Variants in TCF3 observed in about 807,000 individuals in gnomAD.
TCF3 encodes the protein transcription factor E2-alpha.
A neutral mutation model predicts 72.3 loss-of-function variants in TCF3; 54 were observed. The observed-to-expected ratio is 0.75, with a 90% CI of 0.60 to 0.94. The LOEUF (loss-of-function observed/expected upper bound fraction) is 0.94, where lower values mean the gene tolerates loss of function less well. Ranked by LOEUF, TCF3 falls within the 40% of genes least tolerant of loss-of-function variation. The pLI is 0.00. For synonymous variants in TCF3, 525 were observed against 412.6 expected (o/e 1.27, Z -3.30); for missense variants, 1,078 against 934.4 (o/e 1.15, Z -2.00).
At chr19:1,647,886 T>C (rs2066367470) in intron 2 of TCF3, among the ~76,000 whole-genome samples, 1 of 152,152 alleles carries the variant, frequency 6.6e-6, no homozygotes, top group Non-Finnish European at 1.5e-5. Flanking sequence ...GGGCTCTGGC[T>C]GTGTGGGACG....
Position 1,619,435 on chromosome 19 carries a change from C to A in TCF3, c.1207G>T (p.Val403Leu). Reference protein sequence around the residue: ...IEDHLDEAIHVLRSHAVGTAG... With the variant: ...IEDHLDEAIHLLRSHAVGTAG... ...GTGCCCACGGCGTGGCTGCGGAGCA[C>A]GTGGATGGCCTCGTCCAGGTGGTCT... Residue 403 changes from valine (V) to leucine (L), a missense_variant, in exon 15 of 19, where the codon GTG becomes TTG. By Grantham distance (32) the Val-to-Leu change is conservative (BLOSUM62 1). Coordinates refer to ENST00000262965, the MANE Select transcript of TCF3 (RefSeq NM_003200.5). 1 of 1,588,580 alleles carries A rather than the reference C, an allele frequency of 6.3e-7. No individual in the cohort carries two copies. The highest frequency in any genetic ancestry group is 8.5e-7 in the Non-Finnish European group (1 of 1,173,674).
chr19:1,647,034 G>T (rs892794155), intron 2 of TCF3, among the ~76,000 whole-genome samples: 2 of 152,202 alleles, frequency 1.3e-5, no homozygotes, highest in African/African-American at 4.8e-5. Flanking sequence ...GCTCAGACAG[G>T]CAGCAGGTCG....
In TCF3 at chr19:1,648,660, G is replaced by T. The variant is rs80124474; in HGVS notation, c.72+1517C>A. 3.0e-3 allele frequency among the ~76,000 whole-genome samples: 460 copies of T among 152,360 alleles called. 2 individuals carry two copies. Among genetic ancestry groups the T allele is most frequent in the African/African-American group, 0.011 (440 of 41,588 alleles). On this transcript the variant is annotated intron_variant, in intron 2 of 18. Coordinates refer to ENST00000262965, the MANE Select transcript of TCF3 (RefSeq NM_003200.5). Reference sequence around the variant, plus strand: ...GAGCCTTGGCCCCTCCGGCCCTTGGGCTGTTTTTTTCCGCAGGGTGGCCGG... The same window carrying T: ...GAGCCTTGGCCCCTCCGGCCCTTGGTCTGTTTTTTTCCGCAGGGTGGCCGG...
intron 16 of TCF3, 85 bp downstream of exon 16, chr19:1,619,026 C>T (rs1204958798): frequency 5.1e-6 from 8 of 1,583,414 alleles, no homozygotes; most frequent in African/African-American, 2.7e-5. Context: ...CTGCCCTGGG[C>T]TCCCACCCTG....
At chr19:1,619,040 C>G in intron 16 of TCF3, 71 bp downstream of exon 16, 1 of 1,593,690 alleles carries the variant, frequency 6.3e-7, no homozygotes, top group Non-Finnish European at 8.5e-7. Flanking sequence ...CACCCTGACC[C>G]CCACCACTAG....
rs2067286579 is a variant in TCF3, at chr19:1,652,561, C to CT, written c.-302dup. 6.8e-6 allele frequency: 1 copy of CT among 146,360 alleles called. No individual in the cohort carries two copies. Among genetic ancestry groups the CT allele is most frequent in the Non-Finnish European group, 1.5e-5 (1 of 65,734 alleles). The allele number at this position is 146,360 out of a possible 1,614,324, so 9.1% of individuals were successfully genotyped here. A position where few individuals can be genotyped will look rare whatever the true frequency, so the allele number is the denominator to read the frequency against. On this transcript the variant is annotated 5_prime_UTR_variant, in exon 1 of 19. An upstream open reading frame in the 5' UTR loses its in-frame stop. Transcript: ENST00000262965. Reference sequence around the variant, plus strand: ...CCGCCGCCGCGTCGGCTCCGGCCCGCTACGCCCGCAGCCGCCGCCGCTGCC... The same window carrying CT: ...CCGCCGCCGCGTCGGCTCCGGCCCGCTTACGCCCGCAGCCGCCGCCGCTGCC...
chr19:1,633,357 T>C (rs2063951541), intron 3 of TCF3, among the ~76,000 whole-genome samples: 1 of 151,916 alleles, frequency 6.6e-6, no homozygotes, highest in African/African-American at 2.4e-5. Flanking sequence ...CATGTCCAAC[T>C]CCCAAGTCCA....
chr19:1,634,181 A>C (rs888900091), intron 3 of TCF3, among the ~76,000 whole-genome samples: 12 of 152,234 alleles, frequency 7.9e-5, no homozygotes, highest in Non-Finnish European at 1.8e-4. Context: ...GACAAAAATA[A>C]GGACAGCCCC....
intron 6 of TCF3, 46 bp from the exon 7 acceptor site, chr19:1,625,754 C>T: frequency 1.4e-6 from 2 of 1,454,520 alleles, no homozygotes; most frequent in Non-Finnish European, 1.8e-6. Context: ...GGCATCCAGA[C>T]CCCAGGCTGT....
chr19:1,630,317 T>C (rs570646979), intron 5 of TCF3, among the ~76,000 whole-genome samples: 18 of 152,270 alleles, frequency 1.2e-4, no homozygotes, highest in African/African-American at 3.9e-4. Context: ...CCGTGGCACG[T>C]GGTGGGCCCT....
chr19:1,650,320 G>A lies in TCF3; in HGVS notation c.-39-33C>T, dbSNP rs533704253. On this transcript the variant is annotated intron_variant, in intron 1 of 18. Transcript: ENST00000262965. ...GTGGATGTGGGGACAGATGGACAGG[G>A]AGAAACAGGGAGGGGAGAAGAGTTG... is the stretch of plus-strand genomic sequence containing the variant. 631 of 1,436,556 alleles carry A rather than the reference G, an allele frequency of 4.4e-4. 2 individuals are homozygous for A. Among genetic ancestry groups the A allele is most frequent in the Admixed American group, 7.2e-4 (36 of 49,674 alleles). 89.0% of individuals were successfully genotyped at this position (1,436,556 alleles called of 1,614,324 possible).
At chr19:1,617,993 G>C (rs2061728139) in intron 16 of TCF3, among the ~76,000 whole-genome samples, 1 of 152,162 alleles carries the variant, frequency 6.6e-6, no homozygotes, top group East Asian at 1.9e-4. Context: ...TGCCTGGAAA[G>C]CAGGCAGGAT....
chr19:1,613,988 G>T (rs890405702), intron 18 of TCF3, among the ~76,000 whole-genome samples: 25 of 152,264 alleles, frequency 1.6e-4, no homozygotes, highest in African/African-American at 6.0e-4. Context: ...CTGCCGCAGG[G>T]GTGCGGGTCC....
At chr19:1,634,683 T>C (rs550454049) in intron 3 of TCF3, among the ~76,000 whole-genome samples, 2 of 152,322 alleles carry the variant, frequency 1.3e-5, no homozygotes, top group African/African-American at 4.8e-5. Context: ...TGGTGGCTCG[T>C]TGGCAAATGG....
At chr19:1,622,646 C>G (rs1185769915) in intron 8 of TCF3, among the ~76,000 whole-genome samples, 1 of 152,184 alleles carries the variant, frequency 6.6e-6, no homozygotes. Context: ...TCCCGCCTCC[C>G]TGAACTTCTG....
At chr19:1,642,063 C>T (rs1258686928) in intron 3 of TCF3, among the ~76,000 whole-genome samples, 1 of 151,410 alleles carries the variant, frequency 6.6e-6, no homozygotes, top group East Asian at 1.9e-4. Flanking sequence ...AAAAATCGTA[C>T]AGATGAAGAA....
At chr19:1,618,886 C>T (rs940112278) in intron 16 of TCF3, among the ~76,000 whole-genome samples, 15 of 152,204 alleles carry the variant, frequency 9.9e-5, no homozygotes, top group African/African-American at 1.7e-4. Context: ...TGGGAGCAGG[C>T]GAATGAAGAG....
chr19:1,612,560 G>T, intron 18 of TCF3: 6 of 885,454 alleles, frequency 6.8e-6, no homozygotes, highest in Non-Finnish European at 1.0e-5. Context: ...GTGGGTACAC[G>T]GCTGGTGTTG....
At chr19:1,625,472 C>A in intron 7 of TCF3, 104 bp downstream of exon 7, 1 of 1,353,710 alleles carries the variant, frequency 7.4e-7, no homozygotes, top group Non-Finnish European at 9.6e-7. Context: ...CTGGAAGGTG[C>A]GGGGTCTGCT....
Sources: gnomAD v4.1 joint callset for allele counts (sites outside exome capture counted in the v4.1 genomes callset) on GRCh38, gnomAD v4.1.1 for gene constraint, MANE v1.5 for transcripts, NCBI Gene and HGNC (gene_info 2026-07-23, HGNC 2026-07-21) for gene names.